NELL1: variants seen among roughly 807,000 people sequenced by gnomAD.
NELL1 encodes protein kinase C-binding protein NELL1.
A neutral mutation model predicts 107.4 loss-of-function variants in NELL1; 76 were observed. That is an observed-to-expected ratio of 0.71 (90% CI 0.59 to 0.86). NELL1 has a LOEUF of 0.86. NELL1 is among the 40% of genes least tolerant of loss of function. The pLI is 0.00. For synonymous variants in NELL1, 353 were observed against 341.2 expected (o/e 1.03, Z -0.38); for missense variants, 1,024 against 1,005.5 (o/e 1.02, Z -0.25).
In NELL1 at chr11:20,799,793, G is replaced by C. The variant is rs575050275; in HGVS notation, c.335+15963G>C. Among the ~76,000 whole-genome samples the C allele has an allele frequency of 2.6e-5, 4 of 152,238 alleles. No individual in the cohort carries two copies. The East Asian group carries it at 7.7e-4, about 29-fold the overall frequency. Reference sequence around the variant, plus strand: ...TATGAATGACTTTGGGATACAGATGGTCCCATCACCCATGTGGTGAGCATA... The same window carrying C: ...TATGAATGACTTTGGGATACAGATGCTCCCATCACCCATGTGGTGAGCATA... On this transcript the variant is annotated intron_variant, in intron 3 of 19. Coordinates refer to ENST00000357134, the MANE Select transcript of NELL1 (RefSeq NM_006157.5).
At chr11:21,232,610 T>C (rs1054013687) in intron 14 of NELL1, among the ~76,000 whole-genome samples, 4 of 152,210 alleles carry the variant, frequency 2.6e-5, no homozygotes, top group Middle Eastern at 3.4e-3. Context: ...ACAGTGGGAG[T>C]TGGACAAGAA....
At chr11:20,852,795 T>G (rs1416277846) in intron 4 of NELL1, among the ~76,000 whole-genome samples, 3 of 152,210 alleles carry the variant, frequency 2.0e-5, no homozygotes, top group Admixed American at 6.5e-5. Flanking sequence ...AGCATATGCC[T>G]CATGTCAAAC....
chr11:21,042,485 C>A (rs1203284530), intron 12 of NELL1, among the ~76,000 whole-genome samples: 1 of 152,170 alleles, frequency 6.6e-6, no homozygotes, highest in Non-Finnish European at 1.5e-5. Context: ...CACAGTATTG[C>A]TGTGGAGCAG....
At chr11:20,839,711 G>T (rs777869842) in intron 3 of NELL1, among the ~76,000 whole-genome samples, 19 of 152,230 alleles carry the variant, frequency 1.2e-4, no homozygotes, top group Non-Finnish European at 2.2e-4. Flanking sequence ...GAATGGCAGA[G>T]GGGAGGGATT....
intron 3 of NELL1, among the ~76,000 whole-genome samples, chr11:20,810,863 T>A (rs181778634): frequency 9.9e-4 from 151 of 152,024 alleles, no homozygotes; most frequent in African/African-American, 3.4e-3. Flanking sequence ...GTTTTTTTTT[T>A]AAATGAGTTT....
At chr11:21,034,352 T>C (rs1853035387) in intron 12 of NELL1, among the ~76,000 whole-genome samples, 1 of 152,194 alleles carries the variant, frequency 6.6e-6, no homozygotes, top group African/African-American at 2.4e-5. Flanking sequence ...TTCTGTATTC[T>C]GTTCCATTGG....
At chr11:20,697,298 G>C (rs1854644186) in intron 2 of NELL1, among the ~76,000 whole-genome samples, 1 of 151,886 alleles carries the variant, frequency 6.6e-6, no homozygotes. Flanking sequence ...TTGACTGACA[G>C]TGTCTTAGTG....
intron 2 of NELL1, among the ~76,000 whole-genome samples, chr11:20,709,387 C>G (rs1235013975): frequency 2.0e-5 from 3 of 152,140 alleles, no homozygotes; most frequent in African/African-American, 7.2e-5. Context: ...CTATTCTGTT[C>G]CATTGGTCTA....
intron 3 of NELL1, among the ~76,000 whole-genome samples, chr11:20,818,791 C>A (rs1476946864): frequency 6.6e-6 from 1 of 152,160 alleles, no homozygotes; most frequent in African/African-American, 2.4e-5. Context: ...AGATTAAATA[C>A]ATTTGGGAAG....
In NELL1 at chr11:20,838,598, A is replaced by G. The variant is rs142852658; in HGVS notation, c.336-8985A>G. On this transcript the variant is annotated intron_variant, in intron 3 of 19. Transcript: ENST00000357134. ...ATGAGGGTTGTTGGATACTGAGAAG[A>G]CTGGGTACAGGATGGGAGGGAAATT... Among the ~76,000 whole-genome samples the G allele has an allele frequency of 4.5e-4, 69 of 152,126 alleles. 1 individual carries two copies. Among genetic ancestry groups the G allele is most frequent in the African/African-American group, 1.6e-3 (65 of 41,522 alleles).
Position 21,301,277 on chromosome 11 carries a change from G to A in NELL1, c.1550-69576G>A, listed in dbSNP as rs553203850. Among the ~76,000 whole-genome samples the A allele has an allele frequency of 2.2e-3, 336 of 152,272 alleles. 1 individual carries two copies. Among genetic ancestry groups the A allele is most frequent in the African/African-American group, 7.8e-3 (325 of 41,566 alleles). ...ATATACCCAGTAATGGGATGGCTGGGTCAAATGGTATTTCTAGTTTTAGAT... is the reference window on the plus strand; with the variant it reads ...ATATACCCAGTAATGGGATGGCTGGATCAAATGGTATTTCTAGTTTTAGAT... On this transcript the variant is annotated intron_variant, in intron 14 of 19. Transcript: ENST00000357134.
At chr11:20,849,234 C>T (rs1471112096) in intron 4 of NELL1, among the ~76,000 whole-genome samples, 1 of 152,194 alleles carries the variant, frequency 6.6e-6, no homozygotes, top group Non-Finnish European at 1.5e-5. Flanking sequence ...ACCCTAGTTT[C>T]GTAATTTCCA....
chr11:21,186,659 A>T (rs542463544), intron 13 of NELL1, among the ~76,000 whole-genome samples: 1 of 151,950 alleles, frequency 6.6e-6, no homozygotes, highest in South Asian at 2.1e-4. Flanking sequence ...TCTTATGTCC[A>T]ATATTCTTGA....
intron 15 of NELL1, among the ~76,000 whole-genome samples, chr11:21,481,222 T>C (rs956477306): frequency 3.3e-5 from 5 of 152,164 alleles, no homozygotes; most frequent in African/African-American, 1.2e-4. Context: ...CTCTCCCGAT[T>C]CAAAGAGCTT....
chr11:20,928,387 T>G lies in NELL1; in HGVS notation c.905T>G (p.Val302Gly). Residue 302 changes from valine (V) to glycine (G), a missense_variant, in exon 9 of 20, where the codon GTG becomes GGG. Val to Gly is a moderately radical substitution (Grantham distance 109, BLOSUM62 -3). Transcript: ENST00000357134. The stretch of plus-strand genomic sequence containing the variant: ...TCCTTCCTTCCTCAGAGTGGTGCCG[T>G]GGAATGCCGAAGGATGTCCTGTCCC... ...CRNCTCKSGA[V>G]ECRRMSCPPL... 1 of 1,613,910 alleles carries G rather than the reference T, an allele frequency of 6.2e-7. No homozygotes were observed. Among genetic ancestry groups the G allele is most frequent in the Non-Finnish European group, 8.5e-7 (1 of 1,179,826 alleles).
chr11:21,129,286 C>T (rs555267214), intron 13 of NELL1, among the ~76,000 whole-genome samples: 48 of 152,122 alleles, frequency 3.2e-4, no homozygotes, highest in African/African-American at 1.1e-3. Context: ...AACCCTCGTG[C>T]ACTGTTGGCG....
intron 13 of NELL1, among the ~76,000 whole-genome samples, chr11:21,204,771 A>T (rs1284624618): frequency 2.6e-5 from 4 of 151,544 alleles, no homozygotes; most frequent in Non-Finnish European, 4.4e-5. Context: ...TTGTTCTTTG[A>T]TGTTGGAGAC....
chr11:21,017,243 C>T (rs1339162676), intron 12 of NELL1, among the ~76,000 whole-genome samples: 1 of 152,100 alleles, frequency 6.6e-6, no homozygotes, highest in African/African-American at 2.4e-5. Flanking sequence ...GACACCTGGG[C>T]AAATGTGACA....
chr11:20,773,905 T>G (rs1856689945), intron 2 of NELL1, among the ~76,000 whole-genome samples: 1 of 152,124 alleles, frequency 6.6e-6, no homozygotes, highest in African/African-American at 2.4e-5. Context: ...AGGGACTCAC[T>G]CTCTGGTCCT....
Sources: gnomAD v4.1 joint callset for allele counts (sites outside exome capture counted in the v4.1 genomes callset) on GRCh38, gnomAD v4.1.1 for gene constraint, MANE v1.5 for transcripts, NCBI Gene and HGNC (gene_info 2026-07-23, HGNC 2026-07-21) for gene names.